HS3ST4: variants seen among roughly 807,000 people sequenced by gnomAD.
HS3ST4 encodes the protein heparan sulfate glucosamine 3-O-sulfotransferase 4.
Under a neutral mutation model 29.2 loss-of-function variants are expected in HS3ST4, and 17 were observed. The ratio of observed to expected loss-of-function variants is 0.58; its 90% confidence interval spans 0.40 to 0.87. The LOEUF (loss-of-function observed/expected upper bound fraction) is 0.87. Ranked by LOEUF, HS3ST4 falls within the 40% of genes least tolerant of loss-of-function variation. The pLI is 0.00. For missense variants in HS3ST4, 627 were observed against 634.5 expected, an observed-to-expected ratio of 0.99 and a Z score of 0.13; for synonymous variants, 314 against 285.7, an observed-to-expected ratio of 1.10 and a Z score of -1.00.
intron 1 of HS3ST4, among the ~76,000 whole-genome samples, chr16:26,006,820 G>T (rs941855230): frequency 3.3e-5 from 5 of 152,178 alleles, no homozygotes; most frequent in African/African-American, 1.2e-4. Context: ...CAGAATTCAG[G>T]CTCCTCTCAT....
chr16:26,033,794 A>G lies in HS3ST4; in HGVS notation c.735-101818A>G, dbSNP rs116122721. Among the ~76,000 whole-genome samples the G allele has an allele frequency of 4.4e-3, 662 of 152,180 alleles. 3 individuals carry two copies. Among genetic ancestry groups the G allele is most frequent in the African/African-American group, 0.015 (640 of 41,534 alleles). On this transcript the variant is annotated intron_variant, in intron 1 of 1. Coordinates refer to ENST00000331351, the MANE Select transcript of HS3ST4 (RefSeq NM_006040.3). ...AGACTGTAGAATTGAGCAGGCTTGGATTTCACTTCATGCTGCGTTGCTTGC... is the reference window on the plus strand; with the variant it reads ...AGACTGTAGAATTGAGCAGGCTTGGGTTTCACTTCATGCTGCGTTGCTTGC...
intron 1 of HS3ST4, among the ~76,000 whole-genome samples, chr16:25,730,452 TCTTCCTTCCTTCCTTCTC>T (rs1386516505): frequency 1.5e-5 from 2 of 133,468 alleles, no homozygotes; most frequent in Non-Finnish European, 3.2e-5. Context: ...CTCTCTCCCT[TCTTCCTTCCTTCCTTCTC>T]CTTCCTTCCT....
intron 1 of HS3ST4, among the ~76,000 whole-genome samples, chr16:25,755,954 G>C (rs565411515): frequency 3.3e-5 from 5 of 152,196 alleles, no homozygotes; most frequent in Admixed American, 1.3e-4. Context: ...GACACAAAAG[G>C]AGGCAAACAA....
intron 1 of HS3ST4, among the ~76,000 whole-genome samples, chr16:26,057,800 G>A (rs567263060): frequency 2.1e-4 from 32 of 150,120 alleles, no homozygotes; most frequent in East Asian, 1.9e-4. Context: ...ATTCCTTTTC[G>A]TTGCCTTTGT....
chr16:25,828,300 CCCTCTCTCTCTCT>C (rs1967253244), intron 1 of HS3ST4, among the ~76,000 whole-genome samples: 1 of 56,806 alleles, frequency 1.8e-5, no homozygotes. Context: ...TTCTTTCTTT[CCCTCTCTCTCTCT>C]CTCTCTCTCT....
chr16:25,956,092 G>C (rs372684942), intron 1 of HS3ST4, among the ~76,000 whole-genome samples: 10 of 151,966 alleles, frequency 6.6e-5, no homozygotes, highest in African/African-American at 2.4e-4. Context: ...CTGGGATTAC[G>C]GGTGTGAGCC....
intron 1 of HS3ST4, among the ~76,000 whole-genome samples, chr16:25,909,660 G>T (rs536523981): frequency 6.6e-6 from 1 of 152,284 alleles, no homozygotes; most frequent in South Asian, 2.1e-4. Flanking sequence ...GTTTAACTGA[G>T]ATCCAGCGGG....
At chr16:25,935,017 G>C (rs1349777227) in intron 1 of HS3ST4, among the ~76,000 whole-genome samples, 1 of 152,104 alleles carries the variant, frequency 6.6e-6, no homozygotes, top group Non-Finnish European at 1.5e-5. Flanking sequence ...TCTCATGATA[G>C]TGAATGAATT....
intron 1 of HS3ST4, among the ~76,000 whole-genome samples, chr16:25,982,978 A>G (rs1969023605): frequency 6.6e-6 from 1 of 152,246 alleles, no homozygotes; most frequent in Non-Finnish European, 1.5e-5. Context: ...TGTTCTGGGC[A>G]CTGAAGGTAT....
In HS3ST4 at chr16:25,911,496, GTTTTTTTTTTTTT is replaced by G. The variant is rs542274531; in HGVS notation, c.734+218361_734+218373del. Among the ~76,000 whole-genome samples, 377 of 82,020 alleles carry G rather than the reference GTTTTTTTTTTTTT, an allele frequency of 4.6e-3. 4 individuals carry two copies. Among genetic ancestry groups the G allele is most frequent in the African/African-American group, 0.017 (362 of 21,054 alleles). The allele number at this position is 82,020 out of a possible 152,430, so 53.8% of individuals were successfully genotyped here. A position where few individuals can be genotyped will look rare whatever the true frequency, so the allele number is the denominator to read the frequency against. ...GAGGGAGGTGGTGTTCCGTTGTGTG[GTTTTTTTTTTTTT>G]TTTTTTTTTTTTTTTGGGACATGAC... On this transcript the variant is annotated intron_variant, in intron 1 of 1. Coordinates refer to ENST00000331351, the MANE Select transcript of HS3ST4 (RefSeq NM_006040.3).
At chr16:25,710,861 G>T (rs117627753) in intron 1 of HS3ST4, among the ~76,000 whole-genome samples, 1,968 of 120,826 alleles carry the variant, frequency 0.016, 22 homozygotes, top group Middle Eastern at 0.082. Context: ...TCGTCACTCA[G>T]GCTGGAGTAC....
intron 1 of HS3ST4, among the ~76,000 whole-genome samples, chr16:25,869,318 A>G (rs969836810): frequency 1.3e-5 from 2 of 152,066 alleles, no homozygotes; most frequent in Non-Finnish European, 2.9e-5. Context: ...AGCAAAGGAC[A>G]GGTTGTGACG....
intron 1 of HS3ST4, among the ~76,000 whole-genome samples, chr16:25,864,601 G>C (rs528421804): frequency 6.6e-6 from 1 of 151,972 alleles, no homozygotes; most frequent in South Asian, 2.1e-4. Context: ...CTCTTCTATG[G>C]GTTCCACATT....
At chr16:25,771,635 G>A (rs1274332190) in intron 1 of HS3ST4, among the ~76,000 whole-genome samples, 1 of 152,036 alleles carries the variant, frequency 6.6e-6, no homozygotes, top group Non-Finnish European at 1.5e-5. Flanking sequence ...TTAGACTTTG[G>A]TGTCATAACT....
Position 26,104,804 on chromosome 16 carries a change from G to A in HS3ST4, c.735-30808G>A, listed in dbSNP as rs558007962. Among the ~76,000 whole-genome samples the A allele has an allele frequency of 1.1e-3, 166 of 152,270 alleles. 1 individual carries two copies. The highest frequency in any genetic ancestry group is 2.1e-3 in the Non-Finnish European group (141 of 68,026). ...GTCTTCCTCTTCTCTAAAAATGGCA[G>A]CTCTAGTCTTCCTTTTTGCTTAAGG... On this transcript the variant is annotated intron_variant, in intron 1 of 1. Transcript: ENST00000331351.
intron 1 of HS3ST4, among the ~76,000 whole-genome samples, chr16:25,888,377 C>T (rs899332718): frequency 6.6e-6 from 1 of 152,146 alleles, no homozygotes; most frequent in African/African-American, 2.4e-5. Flanking sequence ...TTTATCTCTG[C>T]GTTTCTCTGG....
intron 1 of HS3ST4, among the ~76,000 whole-genome samples, chr16:26,008,367 A>G (rs541458403): frequency 1.3e-5 from 2 of 152,298 alleles, no homozygotes; most frequent in South Asian, 2.1e-4. Flanking sequence ...GAGGCTCCCA[A>G]TTCCTAGTCT....
At chr16:25,881,065 G>A (rs1190527752) in intron 1 of HS3ST4, among the ~76,000 whole-genome samples, 1 of 152,164 alleles carries the variant, frequency 6.6e-6, no homozygotes, top group Non-Finnish European at 1.5e-5. Context: ...TAAAACAATG[G>A]TGATAATGCC....
intron 1 of HS3ST4, among the ~76,000 whole-genome samples, chr16:26,017,313 T>G (rs777739080): frequency 6.6e-6 from 1 of 152,228 alleles, no homozygotes; most frequent in Non-Finnish European, 1.5e-5. Context: ...TTGGTAAAAC[T>G]GTCCCTTGTG....
Sources: gnomAD v4.1 joint callset for allele counts (sites outside exome capture counted in the v4.1 genomes callset) on GRCh38, gnomAD v4.1.1 for gene constraint, MANE v1.5 for transcripts, NCBI Gene and HGNC (gene_info 2026-07-23, HGNC 2026-07-21) for gene names.